PTPRT: variants seen among roughly 807,000 people sequenced by gnomAD.
PTPRT encodes the protein receptor-type tyrosine-protein phosphatase T.
Under a neutral mutation model 176.8 loss-of-function variants are expected in PTPRT, and 56 were observed. That is an observed-to-expected ratio of 0.32 (90% CI 0.26 to 0.40). PTPRT has a LOEUF of 0.40. PTPRT is among the 10% of genes least tolerant of loss of function. The pLI, the probability that PTPRT is intolerant of heterozygous loss-of-function variation, is 1.00. For synonymous variants in PTPRT, 783 were observed against 739.0 expected (o/e 1.06, Z -0.96); for missense variants, 1,540 against 1,908.2 (o/e 0.81, Z 3.60).
chr20:42,211,141 C>G (rs1249691398), intron 15 of PTPRT, among the ~76,000 whole-genome samples: 1 of 152,074 alleles, frequency 6.6e-6, no homozygotes, highest in Non-Finnish European at 1.5e-5. Context: ...ATACAAAAAT[C>G]AGTTCAAGAT....
intron 7 of PTPRT, among the ~76,000 whole-genome samples, chr20:42,605,117 A>G (rs1377106056): frequency 6.6e-6 from 1 of 152,216 alleles, no homozygotes; most frequent in Admixed American, 6.5e-5. Context: ...GGAGAGGCAC[A>G]TGCAAGGCAC....
chr20:42,459,962 G>A (rs1383571183), intron 8 of PTPRT, among the ~76,000 whole-genome samples: 3 of 152,218 alleles, frequency 2.0e-5, no homozygotes, highest in Non-Finnish European at 4.4e-5. Flanking sequence ...CCTCAGTTCT[G>A]ACAAAAGTGA....
chr20:42,172,989 C>T (rs1990141530), intron 16 of PTPRT, among the ~76,000 whole-genome samples: 1 of 152,174 alleles, frequency 6.6e-6, no homozygotes, highest in South Asian at 2.1e-4. Context: ...CTCCTTTAAT[C>T]CAGGCTTCCA....
intron 6 of PTPRT, among the ~76,000 whole-genome samples, chr20:42,704,687 C>A (rs1477050626): frequency 6.6e-6 from 1 of 152,154 alleles, no homozygotes; most frequent in Non-Finnish European, 1.5e-5. Flanking sequence ...TGCCTCTCTG[C>A]TACTTCCCTA....
At chr20:42,942,593 T>C (rs1481437295) in intron 1 of PTPRT, among the ~76,000 whole-genome samples, 1 of 152,228 alleles carries the variant, frequency 6.6e-6, no homozygotes, top group Non-Finnish European at 1.5e-5. Context: ...TTCTCTCTCG[T>C]ATCTCTGGTA....
At chr20:42,876,889 T>TA (rs371977772) in intron 2 of PTPRT, among the ~76,000 whole-genome samples, 61 of 151,686 alleles carry the variant, frequency 4.0e-4, no homozygotes, top group African/African-American at 1.5e-3. Flanking sequence ...AGTAGAGAGG[T>TA]AAGCGCTGTG....
intron 1 of PTPRT, among the ~76,000 whole-genome samples, chr20:42,990,768 G>C (rs1419094409): frequency 6.6e-6 from 1 of 152,114 alleles, no homozygotes; most frequent in Non-Finnish European, 1.5e-5. Context: ...TCTTTATGAA[G>C]GGAATAAAAT....
At chr20:42,992,181 G>A (rs1983949594) in intron 1 of PTPRT, among the ~76,000 whole-genome samples, 1 of 152,166 alleles carries the variant, frequency 6.6e-6, no homozygotes, top group Non-Finnish European at 1.5e-5. Context: ...TGTAGAATTT[G>A]GAGGACACAT....
At chr20:42,087,700 C>T (rs1201959995) in intron 27 of PTPRT, among the ~76,000 whole-genome samples, 1 of 150,434 alleles carries the variant, frequency 6.6e-6, no homozygotes, top group Non-Finnish European at 1.5e-5. Flanking sequence ...ATGGTGAAAC[C>T]CGTCTCCACT....
intron 6 of PTPRT, among the ~76,000 whole-genome samples, chr20:42,700,759 C>A (rs2075962793): frequency 6.6e-6 from 1 of 152,112 alleles, no homozygotes; most frequent in Non-Finnish European, 1.5e-5. Flanking sequence ...GCTCTCAGAA[C>A]CCTCATCTAG....
At chr20:42,056,785 A>G in the PTPRT span, among the ~76,000 whole-genome samples, 2 of 152,226 alleles carry the variant, frequency 1.3e-5, no homozygotes, top group African/African-American at 2.4e-5. Context: ...ACCCTGAACA[A>G]TAAGCATAAT....
chr20:43,063,101 T>A (rs972594182), intron 1 of PTPRT, among the ~76,000 whole-genome samples: 1 of 152,164 alleles, frequency 6.6e-6, no homozygotes, highest in Non-Finnish European at 1.5e-5. Flanking sequence ...AAAGGTGAAT[T>A]AGAAATTTTC....
At chr20:42,474,998 C>A (rs1359214524) in intron 7 of PTPRT, among the ~76,000 whole-genome samples, 1 of 152,176 alleles carries the variant, frequency 6.6e-6, no homozygotes, top group Admixed American at 6.5e-5. Context: ...CCCATTTAAA[C>A]CCAAGGCTAA....
intron 1 of PTPRT, among the ~76,000 whole-genome samples, chr20:42,964,046 G>A (rs1005123400): frequency 3.3e-5 from 5 of 152,118 alleles, no homozygotes; most frequent in Non-Finnish European, 7.3e-5. Context: ...AAAACAGGCA[G>A]TAGGTTGCCA....
chr20:42,440,175 G>A lies in PTPRT; in HGVS notation c.1560+8045C>T, dbSNP rs1451321160. 2.0e-5 allele frequency among the ~76,000 whole-genome samples: 3 copies of A among 152,154 alleles called. No homozygotes were observed. In the South Asian group the frequency reaches 6.2e-4, roughly 32 times the overall value. On this transcript the variant is annotated intron_variant, in intron 9 of 30. Transcript: ENST00000373187. ...CCACCTCGGCCTCCCACAGTGCTGG[G>A]ATTACAGGTGTGAGCCACCACACCA...
At chr20:42,182,407 A>G (rs1990561011) in intron 16 of PTPRT, among the ~76,000 whole-genome samples, 1 of 152,164 alleles carries the variant, frequency 6.6e-6, no homozygotes, top group Non-Finnish European at 1.5e-5. Flanking sequence ...ATAGAATAAG[A>G]AGGGTTACAG....
intron 6 of PTPRT, among the ~76,000 whole-genome samples, chr20:42,719,319 A>G (rs2076272567): frequency 6.6e-6 from 1 of 152,162 alleles, no homozygotes; most frequent in African/African-American, 2.4e-5. Flanking sequence ...GGTAGCCAGC[A>G]CTCTGGGGAA....
intron 2 of PTPRT, among the ~76,000 whole-genome samples, chr20:42,808,344 T>A (rs1026662686): frequency 9.8e-5 from 15 of 152,322 alleles, no homozygotes; most frequent in Non-Finnish European, 1.6e-4. Context: ...AGTTGCTCTG[T>A]CTGGGCATTT....
rs150255424 is a variant in PTPRT at position 42,383,698 on chromosome 20, A to T, written c.1561-31413T>A. On this transcript the variant is annotated intron_variant, in intron 9 of 30. Coordinates refer to ENST00000373187, the MANE Select transcript of PTPRT (RefSeq NM_007050.6). ...TCCCCTAAGAATGGGGGAAAATACC[A>T]CTATATCATGTGTAGGGCCAAGGCT... Among the ~76,000 whole-genome samples, 85 of 152,294 alleles carry T rather than the reference A, an allele frequency of 5.6e-4. 2 individuals are homozygous for T. In the East Asian group the frequency reaches 0.012, roughly 22 times the overall value.
Sources: gnomAD v4.1 joint callset for allele counts (sites outside exome capture counted in the v4.1 genomes callset) on GRCh38, gnomAD v4.1.1 for gene constraint, MANE v1.5 for transcripts, NCBI Gene and HGNC (gene_info 2026-07-23, HGNC 2026-07-21) for gene names.